The following SLC9C2 variants were observed in gnomAD, a reference collection of about 807,000 sequenced individuals.
SLC9C2 encodes the protein sodium/hydrogen exchanger 11.
A neutral mutation model predicts 140.2 loss-of-function variants in SLC9C2; 75 were observed. That is an observed-to-expected ratio of 0.53 (90% CI 0.44 to 0.65). The LOEUF is 0.65. SLC9C2 is among the 30% of genes least tolerant of loss of function. The probability of loss-of-function intolerance (pLI) is 0.00; values close to 1 mark genes in which losing one functional copy is unlikely to be tolerated. For synonymous variants in SLC9C2, 375 were observed against 420.9 expected (o/e 0.89, Z 1.34); for missense variants, 1,074 against 1,331.8 (o/e 0.81, Z 3.01).
Position 173,547,755 on chromosome 1 carries a change from C to A in SLC9C2, c.1491G>T (p.Lys497Asn), listed in dbSNP as rs1662958694. The change falls in exon 13 of 28, where the codon AAG (lysine) becomes AAT (asparagine). Residue 497 changes from lysine (K) to asparagine (N), a missense_variant. Coordinates refer to ENST00000367714, the MANE Select transcript of SLC9C2 (RefSeq NM_178527.4). ...AAGCTTCATCTGTTGTGGATTCTGT[C>A]TTCATATCATTATGTGAAACGTGGG... ...PFSHVSHNDM[K>N]TESTTDEALM... The A allele has an allele frequency of 1.9e-6, 3 of 1,612,150 alleles. No individual in the cohort carries two copies. The highest frequency in any genetic ancestry group is 2.5e-6 in the Non-Finnish European group (3 of 1,178,686).
At chr1:173,534,391 C>T (rs1381623240) in intron 16 of SLC9C2, 93 bp downstream of exon 16, 2 of 1,299,198 alleles carry the variant, frequency 1.5e-6, no homozygotes, top group South Asian at 1.5e-5. Flanking sequence ...GCAAATGGCT[C>T]TTGGTATCAA....
At chr1:173,567,403 A>G (rs1247053903) in intron 9 of SLC9C2, among the ~76,000 whole-genome samples, 1 of 152,000 alleles carries the variant, frequency 6.6e-6, no homozygotes, top group African/African-American at 2.4e-5. Context: ...CTCCTTTATC[A>G]TTATATAATG....
chr1:173,520,599 T>C (rs1660737514), intron 22 of SLC9C2, among the ~76,000 whole-genome samples: 1 of 152,200 alleles, frequency 6.6e-6, no homozygotes, highest in Admixed American at 6.5e-5. Context: ...GTTGAATAAA[T>C]GAGTGAATGA....
At chr1:173,501,388 C>A (rs769048434) in intron 27 of SLC9C2, among the ~76,000 whole-genome samples, 2 of 151,820 alleles carry the variant, frequency 1.3e-5, no homozygotes, top group African/African-American at 4.8e-5. Flanking sequence ...TTCCAATTAA[C>A]TTTATGACTG....
intron 27 of SLC9C2, among the ~76,000 whole-genome samples, chr1:173,501,310 C>T (rs1659248484): frequency 6.6e-6 from 1 of 152,028 alleles, no homozygotes; most frequent in Non-Finnish European, 1.5e-5. Context: ...AGAGATACTA[C>T]ATTAATTCCA....
At position 173,600,157 on chromosome 1, in the gene SLC9C2, G is replaced by A. The variant is rs772755487; in HGVS notation, c.188C>T (p.Ser63Leu). The A allele has an allele frequency of 1.5e-5, 24 of 1,611,450 alleles. No homozygotes were observed. The highest frequency in any genetic ancestry group is 2.0e-5 in the Non-Finnish European group (23 of 1,178,764). Residue 63 changes from serine to leucine, a missense_variant, in exon 3 of 28, where the codon TCA becomes TTA. By Grantham distance (145) the Ser-to-Leu change is moderately radical (BLOSUM62 -2). Coordinates refer to ENST00000367714, the MANE Select transcript of SLC9C2 (RefSeq NM_178527.4). ...GGCCATGTGTCCTATCACGAATCCT[G>A]ATAGAGAAAGAATCGTCAAAACAAT... ...EVIVLTILSL[S>L]GFVIGHMAYN...
chr1:173,574,648 C>T (rs1407822188), intron 8 of SLC9C2, among the ~76,000 whole-genome samples: 1 of 151,276 alleles, frequency 6.6e-6, no homozygotes, highest in African/African-American at 2.4e-5. Context: ...GTAGCTGGGA[C>T]TACAGGCACC....
At chr1:173,524,144 T>G in intron 20 of SLC9C2, 50 bp from the exon 21 acceptor site, 1 of 1,513,396 alleles carries the variant, frequency 6.6e-7, no homozygotes, top group South Asian at 1.3e-5. Context: ...TAACAGAAAA[T>G]GGACACTAGG....
rs1370128550 is a variant in SLC9C2 at position 173,500,963 on chromosome 1, A to G, written c.*131T>C. ...ACTAAATGCAGCAGTAACCTGTTTC[A>G]GTAGCTTCTAAGTAAACTCCTTGCA... On this transcript the variant is annotated 3_prime_UTR_variant, in exon 28 of 28. Coordinates refer to ENST00000367714, the MANE Select transcript of SLC9C2 (RefSeq NM_178527.4). The G allele has an allele frequency of 3.8e-6, 4 of 1,063,142 alleles. No individual in the cohort carries two copies. Among genetic ancestry groups the G allele is most frequent in the Non-Finnish European group, 5.0e-6 (4 of 807,596 alleles). The allele number at this position is 1,063,142 out of a possible 1,614,324, so 65.9% of individuals were successfully genotyped here. A position where few individuals can be genotyped will look rare whatever the true frequency, so the allele number is the denominator to read the frequency against.
At chr1:173,601,613 G>A in intron 2 of SLC9C2, 37 bp downstream of exon 2, 1 of 1,605,990 alleles carries the variant, frequency 6.2e-7, no homozygotes, top group East Asian at 2.2e-5. Context: ...AGGTTCACAG[G>A]GCAGAGGAAA....
intron 15 of SLC9C2, among the ~76,000 whole-genome samples, chr1:173,535,330 A>G (rs1195386606): frequency 6.6e-6 from 1 of 152,208 alleles, no homozygotes; most frequent in Non-Finnish European, 1.5e-5. Flanking sequence ...TAAGCTCACA[A>G]TTTATAAAAC....
At chr1:173,521,222 A>T in intron 22 of SLC9C2, 79 bp downstream of exon 22, 1 of 837,774 alleles carries the variant, frequency 1.2e-6, no homozygotes, top group Non-Finnish European at 1.8e-6. Context: ...TCAGTATCTA[A>T]ATTTATTCTT....
At position 173,583,661 on chromosome 1, in the gene SLC9C2, A is replaced by T. The variant is rs200227464; in HGVS notation, c.524-39T>A. 1.4e-4 allele frequency: 143 copies of T among 1,017,102 alleles called. 2 individuals carry two copies. In the South Asian group the frequency reaches 1.6e-3, roughly 12 times the overall value. The allele number at this position is 1,017,102 out of a possible 1,614,324, so 63.0% of individuals were successfully genotyped here. A position where few individuals can be genotyped will look rare whatever the true frequency, so the allele number is the denominator to read the frequency against. ...TACAAAATGTAACTCAATATGCTAC[A>T]TGAAAATAATGTTCTTGCACAGGAA... is the stretch of plus-strand genomic sequence containing the variant. On this transcript the variant is annotated intron_variant, in intron 5 of 27. Transcript: ENST00000367714.
chr1:173,536,872 C>T (rs1571498866), intron 14 of SLC9C2, 70 bp downstream of exon 14: 2 of 1,076,932 alleles, frequency 1.9e-6, no homozygotes, highest in Non-Finnish European at 1.4e-6. Flanking sequence ...ATTTAATTCT[C>T]ATTTTATTCA....
chr1:173,543,217 G>GAAAA (rs141507378), intron 13 of SLC9C2, among the ~76,000 whole-genome samples: 2 of 148,654 alleles, frequency 1.3e-5, no homozygotes, highest in African/African-American at 5.1e-5. Flanking sequence ...ACTAATAACA[G>GAAAA]ACAGAGAGCC....
At chr1:173,529,882 A>G (rs374071948) in intron 18 of SLC9C2, 23 bp downstream of exon 18, 1 of 1,593,090 alleles carries the variant, frequency 6.3e-7, no homozygotes, top group Non-Finnish European at 8.5e-7. Flanking sequence ...TTTCTCCCCA[A>G]ATGACCAGTG....
At chr1:173,557,793 C>T (rs61828889) in intron 9 of SLC9C2, among the ~76,000 whole-genome samples, 200 of 152,242 alleles carry the variant, frequency 1.3e-3, no homozygotes, top group Non-Finnish European at 2.3e-3. Flanking sequence ...GTAGTAAATG[C>T]TCACAGGGAA....
At chr1:173,580,933 AT>A (rs1558087277) in intron 7 of SLC9C2, among the ~76,000 whole-genome samples, 2 of 152,120 alleles carry the variant, frequency 1.3e-5, no homozygotes, top group African/African-American at 2.4e-5. Context: ...ACTAAATTAA[AT>A]TTTTTTCTTC....
chr1:173,509,076 T>C (rs1659854442), intron 24 of SLC9C2, among the ~76,000 whole-genome samples: 1 of 152,054 alleles, frequency 6.6e-6, no homozygotes, highest in African/African-American at 2.4e-5. Context: ...AAATTAGCTG[T>C]GACAAAAGGA....
Sources: gnomAD v4.1 joint callset for allele counts (sites outside exome capture counted in the v4.1 genomes callset) on GRCh38, gnomAD v4.1.1 for gene constraint, MANE v1.5 for transcripts, NCBI Gene and HGNC (gene_info 2026-07-23, HGNC 2026-07-21) for gene names.